The following TIAM1 variants were observed in gnomAD, a reference collection of about 807,000 sequenced individuals.
TIAM1 encodes rho guanine nucleotide exchange factor TIAM1.
Under a neutral mutation model 163.5 loss-of-function variants are expected in TIAM1, and 65 were observed. That is an observed-to-expected ratio of 0.40 (90% CI 0.33 to 0.49). TIAM1 has a LOEUF of 0.49. Ranked by LOEUF, TIAM1 falls within the 20% of genes least tolerant of loss-of-function variation. TIAM1 has a pLI of 0.77. For missense variants in TIAM1, 1,789 were observed against 2,044.7 expected (o/e 0.87, Z 2.41); for synonymous variants, 833 against 810.1 (o/e 1.03, Z -0.48).
intron 1 of TIAM1, among the ~76,000 whole-genome samples, chr21:31,510,827 A>C (rs1037522907): frequency 5.4e-5 from 8 of 147,956 alleles, no homozygotes; most frequent in Non-Finnish European, 7.5e-5. Context: ...AAAAAAAAAA[A>C]CAAAAAAAAC....
At chr21:31,366,201 T>A (rs1380965223) in intron 2 of TIAM1, among the ~76,000 whole-genome samples, 1 of 152,062 alleles carries the variant, frequency 6.6e-6, no homozygotes, top group African/African-American at 2.4e-5. Flanking sequence ...TTGGGATGGT[T>A]GACAGAGGTC....
intron 2 of TIAM1, among the ~76,000 whole-genome samples, chr21:31,449,577 C>T (rs1426632847): frequency 6.6e-6 from 1 of 151,982 alleles, no homozygotes; most frequent in Non-Finnish European, 1.5e-5. Flanking sequence ...GGGGTTTCAC[C>T]ATGTTGGTCA....
At chr21:31,505,560 T>C (rs2046994850) in intron 1 of TIAM1, among the ~76,000 whole-genome samples, 1 of 152,116 alleles carries the variant, frequency 6.6e-6, no homozygotes, top group Non-Finnish European at 1.5e-5. Flanking sequence ...GCCCATGGAA[T>C]TGGAAGAGCA....
chr21:31,343,262 C>A (rs568468509), intron 1 of TIAM1, among the ~76,000 whole-genome samples: 1 of 152,300 alleles, frequency 6.6e-6, no homozygotes, highest in Admixed American at 6.5e-5. Flanking sequence ...TGAGCAAAAG[C>A]TACACAGGCC....
At position 31,264,515 on chromosome 21, in the gene TIAM1, G is replaced by A. The variant is rs141758354; in HGVS notation, c.963+1495C>T. On this transcript the variant is annotated intron_variant, in intron 4 of 27. Coordinates refer to ENST00000541036, the MANE Select transcript of TIAM1 (RefSeq NM_001353694.2). ...ACCTTATTACCCCCATTTGACAGAT[G>A]AAGAAATTAAGGCTACAAGAATGTG... Among the ~76,000 whole-genome samples the A allele has an allele frequency of 5.3e-5, 8 of 152,248 alleles. No individual in the cohort carries two copies. In the East Asian group the frequency reaches 1.5e-3, roughly 29 times the overall value.
intron 14 of TIAM1, among the ~76,000 whole-genome samples, chr21:31,185,277 C>T (rs1350868117): frequency 2.6e-5 from 4 of 151,338 alleles, no homozygotes; most frequent in Non-Finnish European, 5.9e-5. Flanking sequence ...TCCCTGTCCA[C>T]CTAGAATGTC....
At chr21:31,131,021 G>GATAATAACT in intron 23 of TIAM1, 73 bp from the exon 24 acceptor site, 1 of 1,280,980 alleles carries the variant, frequency 7.8e-7, no homozygotes, top group Non-Finnish European at 1.1e-6. Context: ...ACCAACTTGT[G>GATAATAACT]GTAATAAACA....
At chr21:31,556,356 C>T (rs140911724) in intron 1 of TIAM1, among the ~76,000 whole-genome samples, 96 of 152,266 alleles carry the variant, frequency 6.3e-4, no homozygotes, top group African/African-American at 2.3e-3. Flanking sequence ...CCCAGGGGAA[C>T]GGAAGAGACA....
intron 1 of TIAM1, among the ~76,000 whole-genome samples, chr21:31,470,511 T>G (rs2045702411): frequency 6.6e-6 from 1 of 151,450 alleles, no homozygotes. Context: ...TTTTGTATTT[T>G]TAGTAGAGAC....
At chr21:31,202,056 A>G (rs2086228340) in intron 12 of TIAM1, among the ~76,000 whole-genome samples, 1 of 152,134 alleles carries the variant, frequency 6.6e-6, no homozygotes, top group Admixed American at 6.6e-5. Flanking sequence ...CAGTCCCATA[A>G]GTATGTTCAA....
chr21:31,506,973 T>C (rs975363913), intron 1 of TIAM1, among the ~76,000 whole-genome samples: 7 of 152,086 alleles, frequency 4.6e-5, no homozygotes, highest in East Asian at 3.9e-4. Flanking sequence ...ACTGTACGTA[T>C]ACACATTTTG....
At chr21:31,349,948 C>A (rs1366412747) in intron 2 of TIAM1, among the ~76,000 whole-genome samples, 1 of 152,170 alleles carries the variant, frequency 6.6e-6, no homozygotes, top group Non-Finnish European at 1.5e-5. Context: ...TCTAAATGGG[C>A]GAATGGGCAC....
At chr21:31,545,140 C>T (rs139410243) in intron 1 of TIAM1, among the ~76,000 whole-genome samples, 61 of 152,254 alleles carry the variant, frequency 4.0e-4, no homozygotes, top group African/African-American at 1.4e-3. Flanking sequence ...GGCCCTACAG[C>T]CAATAGCTGA....
chr21:31,317,876 C>T (rs2147015401), intron 2 of TIAM1, among the ~76,000 whole-genome samples: 1 of 152,320 alleles, frequency 6.6e-6, no homozygotes, highest in East Asian at 1.9e-4. Context: ...CATGTGCCTA[C>T]TTGATGAGAC....
intron 1 of TIAM1, among the ~76,000 whole-genome samples, chr21:31,471,213 C>T (rs1041443643): frequency 5.3e-5 from 8 of 152,278 alleles, no homozygotes; most frequent in Non-Finnish European, 1.0e-4. Context: ...CAACGAAGCC[C>T]GGAGCTGTCT....
intron 2 of TIAM1, among the ~76,000 whole-genome samples, chr21:31,324,114 T>C (rs1389747758): frequency 3.3e-5 from 5 of 152,104 alleles, no homozygotes; most frequent in African/African-American, 1.2e-4. Flanking sequence ...AATGATACTG[T>C]AATGGTGGGT....
At chr21:31,346,691 C>T (rs1171299906), upstream of TIAM1, among the ~76,000 whole-genome samples, 2 of 152,196 alleles carry the variant, frequency 1.3e-5, no homozygotes, top group African/African-American at 4.8e-5. Flanking sequence ...AACTACTCCA[C>T]ACACAACAGG....
rs11331323 is a variant in TIAM1, at chr21:31,546,187, T to TA, written c.-422+12739dup. ...GTAATGAAAAGAGGTATTTGTAATTTAAAAAAAAAAAAAAACTGTGATGGA... is the reference window on the plus strand; with the variant it reads ...GTAATGAAAAGAGGTATTTGTAATTTAAAAAAAAAAAAAAAACTGTGATGGA... On this transcript the variant is annotated intron_variant, in intron 1 of 28. Coordinates refer to the TIAM1 transcript ENST00000286827. Among the ~76,000 whole-genome samples, 76 of 144,868 alleles carry TA rather than the reference T, an allele frequency of 5.2e-4. 1 individual carries two copies. Among genetic ancestry groups the TA allele is most frequent in the South Asian group, 1.3e-3 (6 of 4,594 alleles).
At chr21:31,442,944 G>A (rs148776388) in intron 2 of TIAM1, among the ~76,000 whole-genome samples, 112 of 152,356 alleles carry the variant, frequency 7.4e-4, no homozygotes, top group African/African-American at 2.7e-3. Context: ...CCAGGGACTG[G>A]TCAGGTTGGA....
Sources: gnomAD v4.1 joint callset for allele counts (sites outside exome capture counted in the v4.1 genomes callset) on GRCh38, gnomAD v4.1.1 for gene constraint, MANE v1.5 for transcripts, NCBI Gene and HGNC (gene_info 2026-07-23, HGNC 2026-07-21) for gene names.